The following ASB5 variants were observed in gnomAD, a reference collection of about 807,000 sequenced individuals.
ASB5 encodes ankyrin repeat and SOCS box protein 5.
Under a neutral mutation model 42.1 loss-of-function variants are expected in ASB5, and 45 were observed. The ratio of observed to expected loss-of-function variants is 1.07; its 90% CI spans 0.84 to 1.37. The LOEUF is 1.37. Among genes scored for constraint, ASB5 ranks in the 40% most tolerant of loss-of-function variants. The pLI is 0.00. For missense variants in ASB5, 402 were observed against 399.8 expected (o/e 1.01, Z -0.05); for synonymous variants, 147 against 150.6 (o/e 0.98, Z 0.18).
chr4:176,236,962 C>T (rs761688426), intron 1 of ASB5, among the ~76,000 whole-genome samples: 2 of 152,204 alleles, frequency 1.3e-5, no homozygotes, highest in Non-Finnish European at 2.9e-5. Flanking sequence ...TTTAAAATTT[C>T]CATATTGCCT....
intron 1 of ASB5, among the ~76,000 whole-genome samples, chr4:176,228,387 T>C (rs573678880): frequency 3.3e-5 from 5 of 152,302 alleles, no homozygotes; most frequent in Admixed American, 1.3e-4. Flanking sequence ...ATGATAGAAC[T>C]CCCAGCCAGT....
At chr4:176,240,977 C>T (rs1753799275) in intron 1 of ASB5, among the ~76,000 whole-genome samples, 3 of 152,162 alleles carry the variant, frequency 2.0e-5, no homozygotes, top group Admixed American at 2.0e-4. Flanking sequence ...CGTCCATGCA[C>T]AGTGTCAACA....
rs184346836 is a variant in ASB5 at position 176,247,573 on chromosome 4, T to C, written c.196+21340A>G. Among the ~76,000 whole-genome samples the C allele has an allele frequency of 3.3e-4, 50 of 152,316 alleles. 1 individual carries two copies. Among genetic ancestry groups the C allele is most frequent in the African/African-American group, 1.2e-3 (49 of 41,582 alleles). On this transcript the variant is annotated intron_variant, in intron 1 of 6. Coordinates refer to ENST00000296525, the MANE Select transcript of ASB5 (RefSeq NM_080874.4). ...TGGGCACTGTAGTGACTATAGATTA[T>C]GAAATATAGAACCCACTTTCCAATA...
chr4:176,267,750 A>G (rs1161445781), intron 1 of ASB5, among the ~76,000 whole-genome samples: 1 of 152,140 alleles, frequency 6.6e-6, no homozygotes, highest in East Asian at 1.9e-4. Flanking sequence ...AATTTTCCTC[A>G]TTTTGAATAA....
In ASB5 at chr4:176,223,183, A is replaced by C. The variant is rs1291704757; in HGVS notation, c.277-763T>G. ...TGTGAACTTTTGTCCCTAAATAGGT[A>C]TGATGAAGTTGTGCACTAGTGGTTA... On this transcript the variant is annotated intron_variant, in intron 2 of 6. Coordinates refer to ENST00000296525, the MANE Select transcript of ASB5 (RefSeq NM_080874.4). 2.0e-5 allele frequency among the ~76,000 whole-genome samples: 3 copies of C among 152,328 alleles called. No individual in the cohort carries two copies. The East Asian group carries it at 5.8e-4, about 29-fold the overall frequency.
chr4:176,248,754 A>G (rs538730372), intron 1 of ASB5, among the ~76,000 whole-genome samples: 2 of 152,338 alleles, frequency 1.3e-5, no homozygotes, highest in Non-Finnish European at 2.9e-5. Flanking sequence ...TTCAATTAAT[A>G]TAGGGTTCAA....
At chr4:176,277,063 G>A (rs982268367) in intron 1 of ASB5, among the ~76,000 whole-genome samples, 3 of 152,162 alleles carry the variant, frequency 2.0e-5, no homozygotes, top group Non-Finnish European at 4.4e-5. Context: ...GATGAAAACA[G>A]GAAAATAGTT....
chr4:176,232,131 T>A lies in ASB5; in HGVS notation c.197-6790A>T, dbSNP rs541691509. 1.3e-3 allele frequency among the ~76,000 whole-genome samples: 191 copies of A among 150,814 alleles called. 1 individual carries two copies. The highest frequency in any genetic ancestry group is 3.4e-3 in the Middle Eastern group (1 of 292). On this transcript the variant is annotated intron_variant, in intron 1 of 6. Transcript: ENST00000296525. ...ATTTTATATATATATATATATACTT[T>A]TTTTTTTTGAGTTGGAGTTTTGCTC...
intron 1 of ASB5, 45 bp from the exon 2 acceptor site, chr4:176,225,386 G>A (rs1347151153): frequency 6.6e-7 from 1 of 1,509,862 alleles, no homozygotes; most frequent in Non-Finnish European, 9.2e-7. Flanking sequence ...AAAAATCCAA[G>A]AGTCAAAGTG....
At chr4:176,241,834 T>TAACC in intron 1 of ASB5, 2 of 197,200 alleles carry the variant, frequency 1.0e-5, no homozygotes, top group Admixed American at 1.3e-4. Context: ...GTGAGTGATA[T>TAACC]CTCCTCTCCT....
At chr4:176,250,737 C>G (rs963806880) in intron 1 of ASB5, among the ~76,000 whole-genome samples, 1 of 152,148 alleles carries the variant, frequency 6.6e-6, no homozygotes, top group African/African-American at 2.4e-5. Flanking sequence ...CACGTGCGAA[C>G]AAATCTAAAC....
chr4:176,251,564 TAAAAAAAAAAAA>T (rs34392287), intron 1 of ASB5, among the ~76,000 whole-genome samples: 1 of 10,376 alleles, frequency 9.6e-5, no homozygotes, highest in Non-Finnish European at 1.8e-4. Context: ...TCTGTCTCAT[TAAAAAAAAAAAA>T]AAAAAAAAAA....
At chr4:176,239,395 A>C (rs1753764566) in intron 1 of ASB5, among the ~76,000 whole-genome samples, 1 of 152,226 alleles carries the variant, frequency 6.6e-6, no homozygotes, top group South Asian at 2.1e-4. Flanking sequence ...CAGAATGCAT[A>C]ATAATGCATA....
intron 1 of ASB5, among the ~76,000 whole-genome samples, chr4:176,253,685 A>C (rs992464234): frequency 1.3e-5 from 2 of 152,240 alleles, no homozygotes; most frequent in African/African-American, 4.8e-5. Flanking sequence ...CACCTTCAGT[A>C]AAGTTTCAGG....
At chr4:176,229,349 C>T (rs531566987) in intron 1 of ASB5, among the ~76,000 whole-genome samples, 4 of 152,212 alleles carry the variant, frequency 2.6e-5, no homozygotes, top group Admixed American at 1.3e-4. Flanking sequence ...CCATGATGAC[C>T]TTTAAGGGGA....
Position 176,215,533 on chromosome 4 carries a change from G to T in ASB5, c.*67C>A. The T allele has an allele frequency of 2.0e-6, 3 of 1,495,812 alleles. No homozygotes were observed. The highest frequency in any genetic ancestry group is 2.4e-5 in the South Asian group (2 of 82,772). 92.7% of individuals were successfully genotyped at this position (1,495,812 alleles called of 1,614,324 possible). A position where few individuals can be genotyped will look rare whatever the true frequency, so the allele number is the denominator to read the frequency against. Reference sequence around the variant, plus strand: ...TCCTATCTTTAGCATATTTTTATATGAACTATTCCTTAAGCAAAAGAAATA... The same window carrying T: ...TCCTATCTTTAGCATATTTTTATATTAACTATTCCTTAAGCAAAAGAAATA... On this transcript the variant is annotated 3_prime_UTR_variant, in exon 7 of 7. Transcript: ENST00000296525.
chr4:176,219,561 G>A (rs28559763), intron 5 of ASB5, among the ~76,000 whole-genome samples: 31,455 of 35,228 alleles, frequency 0.89, 14,204 homozygotes, highest in African/African-American at 0.92. Context: ...ATATAAATAT[G>A]TATATATTTG....
At chr4:176,231,933 T>C (rs1283549058) in intron 1 of ASB5, among the ~76,000 whole-genome samples, 1 of 151,982 alleles carries the variant, frequency 6.6e-6, no homozygotes, top group Non-Finnish European at 1.5e-5. Context: ...GTGGACTCAA[T>C]AGAGAGCTAG....
At chr4:176,259,077 A>G (rs564495738) in intron 1 of ASB5, among the ~76,000 whole-genome samples, 2 of 152,198 alleles carry the variant, frequency 1.3e-5, no homozygotes, top group East Asian at 3.9e-4. Context: ...CATTTTCATC[A>G]TAACTATGGT....
Sources: allele counts gnomAD v4.1 joint callset (sites outside exome capture counted in the v4.1 genomes callset), GRCh38; gene constraint gnomAD v4.1.1; transcripts MANE v1.5; gene names NCBI Gene and HGNC (gene_info 2026-07-23, HGNC 2026-07-21).